The following AP3M1 variants were observed in gnomAD, a reference collection of about 807,000 sequenced individuals.
AP3M1 encodes AP-3 complex subunit mu-1.
A neutral mutation model predicts 42.6 loss-of-function variants in AP3M1; 29 were observed. The observed-to-expected ratio is 0.68, with a 90% CI of 0.51 to 0.93. The LOEUF is 0.93. Ranked by LOEUF, AP3M1 falls within the 40% of genes least tolerant of loss-of-function variation. The pLI, the probability that AP3M1 is intolerant of heterozygous loss-of-function variation, is 0.00. For synonymous variants in AP3M1, 178 were observed against 175.3 expected (o/e 1.02, Z -0.12); for missense variants, 416 against 510.2 (o/e 0.82, Z 1.78).
chr10:74,125,558 T>G (rs1840589286), intron 7 of AP3M1, among the ~76,000 whole-genome samples: 1 of 152,218 alleles, frequency 6.6e-6, no homozygotes, highest in Non-Finnish European at 1.5e-5. Context: ...AAACATGTCT[T>G]TTCATTTATC....
chr10:74,124,369 C>T lies in AP3M1; in HGVS notation c.1156+11G>A, dbSNP rs199838234. 133 of 1,602,056 alleles carry T rather than the reference C, an allele frequency of 8.3e-5. No homozygotes were observed. The highest frequency in any genetic ancestry group is 1.0e-4 in the Non-Finnish European group (119 of 1,176,810). On this transcript the variant is annotated intron_variant, in intron 8 of 8. Coordinates refer to ENST00000355264, the MANE Select transcript of AP3M1 (RefSeq NM_012095.6). ...CAATTACCCTTAACTACAAGTCAACCTTATCCTTACCTGAAATAGCAAGCT... is the reference window on the plus strand; with the variant it reads ...CAATTACCCTTAACTACAAGTCAACTTTATCCTTACCTGAAATAGCAAGCT...
intron 3 of AP3M1, among the ~76,000 whole-genome samples, chr10:74,135,635 T>C (rs975089649): frequency 1.3e-5 from 2 of 152,224 alleles, no homozygotes; most frequent in South Asian, 2.1e-4. Context: ...TTTTCAGTTT[T>C]GTGCTGACTT....
Position 74,134,051 on chromosome 10 carries a change from T to C in AP3M1, c.559A>G (p.Ile187Val), listed in dbSNP as rs913615355. The C allele has an allele frequency of 5.6e-6, 9 of 1,614,016 alleles. No individual in the cohort carries two copies. Among genetic ancestry groups the C allele is most frequent in the Non-Finnish European group, 7.6e-6 (9 of 1,179,990 alleles). ...NEAYFDVVEE[I>V]DAIIDKSGST... is the part of the protein sequence containing the mutation. ...CCTGATTTATCTATAATTGCGTCTA[T>C]TTCTTCAACAACATCAAAATAGGCT... is the stretch of plus-strand genomic sequence containing the variant. The change falls in exon 4 of 9, where the codon ATA becomes GTA. Residue 187 changes from isoleucine to valine, a missense_variant. Ile to Val is a conservative substitution (Grantham distance 29). Transcript: ENST00000355264.
In AP3M1 at chr10:74,123,841, G is replaced by A. The variant is rs374823669; in HGVS notation, c.1226C>T (p.Thr409Met). 7 of 1,613,898 alleles carry A rather than the reference G, an allele frequency of 4.3e-6. No individual in the cohort carries two copies. The African/African-American group carries it at 5.3e-5, about 12-fold the overall frequency. The stretch of plus-strand genomic sequence containing the variant: ...CCTCACTTGGAACTTTCCAGCTTTC[G>A]TGACGTATTTGACTCCTTTAAATGG... ...YKPFKGVKYVTKAGKFQVRT is the reference protein window; with the variant it reads ...YKPFKGVKYVMKAGKFQVRT Residue 409 changes from threonine (T) to methionine (M), a missense_variant, in exon 9 of 9, where the codon ACG becomes ATG. Thr to Met is a moderately conservative substitution (Grantham distance 81, BLOSUM62 -1). Transcript: ENST00000355264.
intron 3 of AP3M1, among the ~76,000 whole-genome samples, chr10:74,135,987 TAAAAGAC>T (rs1840928393): frequency 6.6e-6 from 1 of 152,254 alleles, no homozygotes; most frequent in South Asian, 2.1e-4. Flanking sequence ...AATCTTTGTC[TAAAAGAC>T]TTTAATGCTT....
intron 1 of AP3M1, among the ~76,000 whole-genome samples, chr10:74,145,470 T>C (rs1331110144): frequency 6.6e-6 from 1 of 152,238 alleles, no homozygotes; most frequent in Non-Finnish European, 1.5e-5. Flanking sequence ...ACTTCTTCTA[T>C]CCATATTATG....
intron 7 of AP3M1, among the ~76,000 whole-genome samples, chr10:74,125,170 G>A (rs548849448): frequency 6.6e-6 from 1 of 152,228 alleles, no homozygotes; most frequent in South Asian, 2.1e-4. Flanking sequence ...GTAGAGATGG[G>A]GTTTCTCCAT....
intron 5 of AP3M1, 123 bp from the exon 6 acceptor site, chr10:74,129,364 T>C: frequency 2.3e-6 from 2 of 851,704 alleles, no homozygotes; most frequent in Non-Finnish European, 3.6e-6. Flanking sequence ...TGACCACATC[T>C]ACACAACCTT....
In AP3M1 at chr10:74,123,852, G is replaced by C; in HGVS notation, c.1215C>G (p.Val405=). The change falls in exon 9 of 9, where the codon GTC becomes GTG. Residue 405 remains valine (V), a synonymous_variant. Coordinates refer to ENST00000355264, the MANE Select transcript of AP3M1 (RefSeq NM_012095.6). ...YGEKYKPFKG[V]KYVTKAGKFQ... ...ACTTTCCAGCTTTCGTGACGTATTTGACTCCTTTAAATGGCTTATATTTCT... is the reference window on the plus strand; with the variant it reads ...ACTTTCCAGCTTTCGTGACGTATTTCACTCCTTTAAATGGCTTATATTTCT... 1.2e-6 allele frequency: 2 copies of C among 1,614,090 alleles called. No homozygotes were observed. Among genetic ancestry groups the C allele is most frequent in the African/African-American group, 1.3e-5 (1 of 75,020 alleles).
At chr10:74,149,546 C>T (rs1841471774) in intron 1 of AP3M1, among the ~76,000 whole-genome samples, 1 of 151,474 alleles carries the variant, frequency 6.6e-6, no homozygotes, top group Admixed American at 6.6e-5. Context: ...CTTCAGCCTG[C>T]CAAAGTGCTG....
At chr10:74,142,237 T>C (rs1388997064) in intron 1 of AP3M1, among the ~76,000 whole-genome samples, 2 of 152,232 alleles carry the variant, frequency 1.3e-5, no homozygotes, top group African/African-American at 4.8e-5. Context: ...ATCAGGTGTT[T>C]AGTCTAGTGG....
At chr10:74,146,352 T>C (rs1249897402) in intron 1 of AP3M1, among the ~76,000 whole-genome samples, 1 of 152,238 alleles carries the variant, frequency 6.6e-6, no homozygotes, top group Non-Finnish European at 1.5e-5. Flanking sequence ...TTTTAATTAA[T>C]CATGCAATCC....
intron 1 of AP3M1, among the ~76,000 whole-genome samples, chr10:74,144,367 C>G (rs944568560): frequency 6.6e-6 from 1 of 151,892 alleles, no homozygotes; most frequent in Non-Finnish European, 1.5e-5. Flanking sequence ...AGAGCCCAAG[C>G]GATCCTCCCA....
intron 1 of AP3M1, among the ~76,000 whole-genome samples, chr10:74,148,326 G>T (rs1382001884): frequency 2.0e-5 from 3 of 152,130 alleles, no homozygotes; most frequent in Admixed American, 6.5e-5. Context: ...CTTCTCTAAG[G>T]AGAAGGAACA....
At chr10:74,148,099 T>C (rs577811464) in intron 1 of AP3M1, among the ~76,000 whole-genome samples, 1 of 152,016 alleles carries the variant, frequency 6.6e-6, no homozygotes, top group East Asian at 1.9e-4. Context: ...AAAATAGAGA[T>C]ATGTAGAGTA....
At chr10:74,142,894 T>C (rs1404606934) in intron 1 of AP3M1, among the ~76,000 whole-genome samples, 1 of 152,234 alleles carries the variant, frequency 6.6e-6, no homozygotes, top group Non-Finnish European at 1.5e-5. Context: ...ATTTTTATTA[T>C]TACACCTTTT....
At chr10:74,127,829 G>T (rs149223201) in intron 6 of AP3M1, among the ~76,000 whole-genome samples, 46 of 151,426 alleles carry the variant, frequency 3.0e-4, no homozygotes, top group Non-Finnish European at 5.5e-4. Flanking sequence ...GGCCAGGCAC[G>T]GTGGCTCACG....
intron 6 of AP3M1, among the ~76,000 whole-genome samples, chr10:74,128,158 T>A (rs1840675170): frequency 6.6e-6 from 1 of 151,276 alleles, no homozygotes; most frequent in African/African-American, 2.4e-5. Context: ...AATTTCTCTG[T>A]TTTTGAGTTC....
chr10:74,134,382 T>G (rs1840880660), intron 3 of AP3M1, among the ~76,000 whole-genome samples: 1 of 152,186 alleles, frequency 6.6e-6, no homozygotes, highest in African/African-American at 2.4e-5. Context: ...CCAAACCAGG[T>G]TAAATTTATT....
Sources: allele counts gnomAD v4.1 joint callset (sites outside exome capture counted in the v4.1 genomes callset), GRCh38; gene constraint gnomAD v4.1.1; transcripts MANE v1.5; gene names NCBI Gene and HGNC (gene_info 2026-07-23, HGNC 2026-07-21).